Variants in GSE1 observed in about 807,000 individuals in gnomAD.
GSE1 encodes the protein Gse1 coiled-coil protein, also known as genetic suppressor element 1.
In GSE1, 32 loss-of-function variants were observed where a neutral mutation model predicts 112.6. The observed-to-expected ratio is 0.28, with a 90% CI of 0.21 to 0.38. The LOEUF (loss-of-function observed/expected upper bound fraction) is 0.38, where lower values mean the gene tolerates loss of function less well. Among genes scored for constraint, GSE1 ranks in the 10% least tolerant of loss-of-function variants. GSE1 has a pLI of 1.00. For missense variants in GSE1, 2,348 were observed against 1,699.2 expected (o/e 1.38, Z -6.71); for synonymous variants, 1,115 against 735.6 (o/e 1.52, Z -8.35).
chr16:85,445,568 T>C, intron 2 of GSE1, among the ~76,000 whole-genome samples: 1 of 152,226 alleles, frequency 6.6e-6, no homozygotes, highest in East Asian at 1.9e-4. Context: ...TGCACTGTGA[T>C]AAAAAGCCCT....
At chr16:85,326,233 A>T (rs944707896) in intron 1 of GSE1, among the ~76,000 whole-genome samples, 1 of 151,970 alleles carries the variant, frequency 6.6e-6, no homozygotes, top group Non-Finnish European at 1.5e-5. Flanking sequence ...CCTAAGGGTT[A>T]ATGAGGAGGA....
chr16:85,314,585 C>G (rs1220538650), intron 1 of GSE1, among the ~76,000 whole-genome samples: 1 of 152,202 alleles, frequency 6.6e-6, no homozygotes, highest in African/African-American at 2.4e-5. Flanking sequence ...CATGTGCACA[C>G]ACACGAACAC....
intron 2 of GSE1, among the ~76,000 whole-genome samples, chr16:85,365,960 C>G (rs750195220): frequency 4.6e-5 from 7 of 152,262 alleles, no homozygotes; most frequent in Non-Finnish European, 1.0e-4. Flanking sequence ...TCAGAGTCCA[C>G]ATCAGATGCT....
At chr16:85,625,398 C>G (rs1003900191) in intron 1 of GSE1, among the ~76,000 whole-genome samples, 1 of 152,214 alleles carries the variant, frequency 6.6e-6, no homozygotes, top group Non-Finnish European at 1.5e-5. Context: ...CCGCGGGTCC[C>G]CAGAATGCAA....
intron 1 of GSE1, among the ~76,000 whole-genome samples, chr16:85,194,139 C>G (rs1348510213): frequency 6.6e-6 from 1 of 152,190 alleles, no homozygotes; most frequent in Non-Finnish European, 1.5e-5. Context: ...CTCCACGCCC[C>G]TGAATCCGTT....
At position 85,507,464 on chromosome 16, in the gene GSE1, A is replaced by G. The variant is rs1215061450; in HGVS notation, c.2465-126450A>G. ...ACCGCAGGGTTACTCGCCCTTGCCCAGTGGGTGCTGCATTCTTCTGTTGGG... is the reference window on the plus strand; with the variant it reads ...ACCGCAGGGTTACTCGCCCTTGCCCGGTGGGTGCTGCATTCTTCTGTTGGG... On this transcript the variant is annotated intron_variant, in intron 2 of 2. Transcript: ENST00000637419. Among the ~76,000 whole-genome samples the G allele has an allele frequency of 3.3e-5, 5 of 152,218 alleles. No homozygotes were observed. In the East Asian group the frequency reaches 7.7e-4, roughly 23 times the overall value.
intron 2 of GSE1, among the ~76,000 whole-genome samples, chr16:85,537,788 A>G (rs1004452240): frequency 5.5e-5 from 6 of 108,876 alleles, no homozygotes; most frequent in South Asian, 2.9e-4. Context: ...TTCAGAAATC[A>G]AATGGTACCC....
intron 1 of GSE1, among the ~76,000 whole-genome samples, chr16:85,214,475 C>G (rs2075277352): frequency 1.3e-5 from 2 of 152,110 alleles, no homozygotes; most frequent in Non-Finnish European, 2.9e-5. Context: ...GTGGCTGAGC[C>G]CCCAGAAGCT....
At chr16:85,362,583 G>T (rs1255225298) in intron 2 of GSE1, among the ~76,000 whole-genome samples, 1 of 152,198 alleles carries the variant, frequency 6.6e-6, no homozygotes, top group East Asian at 1.9e-4. Flanking sequence ...AATCCTTCTG[G>T]TAGCGTGGTG....
At chr16:85,590,399 CATT>C (rs1459836024) in intron 1 of GSE1, among the ~76,000 whole-genome samples, 4 of 145,824 alleles carry the variant, frequency 2.7e-5, no homozygotes, top group South Asian at 2.2e-4. Flanking sequence ...ACATGTGTGA[CATT>C]GTGTGTGTGA....
chr16:85,420,278 C>T (rs918083219), intron 2 of GSE1, among the ~76,000 whole-genome samples: 1 of 152,102 alleles, frequency 6.6e-6, no homozygotes. Context: ...CAGGTTGTCG[C>T]CCTAGTACCT....
chr16:85,249,918 C>G (rs941835490), intron 1 of GSE1, among the ~76,000 whole-genome samples: 1 of 152,202 alleles, frequency 6.6e-6, no homozygotes, highest in Admixed American at 6.5e-5. Context: ...GCGGCAGGGC[C>G]GAGAGCGATG....
chr16:85,566,996 C>G (rs1555534043), intron 1 of GSE1, among the ~76,000 whole-genome samples: 1 of 152,120 alleles, frequency 6.6e-6, no homozygotes, highest in Non-Finnish European at 1.5e-5. Context: ...CGGCCTTTAT[C>G]TTAGATCTTA....
At chr16:85,508,833 CTG>C (rs2051632765) in intron 2 of GSE1, among the ~76,000 whole-genome samples, 1 of 152,234 alleles carries the variant, frequency 6.6e-6, no homozygotes, top group South Asian at 2.1e-4. Context: ...AGGTTCGTAA[CTG>C]TGTGCCCAGC....
At chr16:85,635,270 C>A (rs189249058) in intron 2 of GSE1, among the ~76,000 whole-genome samples, 1 of 152,126 alleles carries the variant, frequency 6.6e-6, no homozygotes, top group Non-Finnish European at 1.5e-5. Context: ...GAGGGAGGCC[C>A]GTTGGGGTCT....
intron 1 of GSE1, among the ~76,000 whole-genome samples, chr16:85,187,297 C>G (rs1219673376): frequency 2.0e-5 from 3 of 152,218 alleles, no homozygotes; most frequent in East Asian, 3.9e-4. Flanking sequence ...CTGGCAGCCC[C>G]GCAGCTCGGG....
At chr16:85,668,846 G>A (rs368343001) in intron 14 of GSE1, among the ~76,000 whole-genome samples, 1 of 152,228 alleles carries the variant, frequency 6.6e-6, no homozygotes, top group Non-Finnish European at 1.5e-5. Flanking sequence ...TGCAAGGATT[G>A]CTCTGTGGCC....
At chr16:85,271,529 G>A (rs541646319) in intron 1 of GSE1, among the ~76,000 whole-genome samples, 3 of 152,336 alleles carry the variant, frequency 2.0e-5, no homozygotes, top group Non-Finnish European at 2.9e-5. Flanking sequence ...CCCAAAGCCC[G>A]AATCATCTGC....
At chr16:85,209,106 GGTTCGCTGTGT>G (rs1322110918) in intron 1 of GSE1, among the ~76,000 whole-genome samples, 1 of 152,044 alleles carries the variant, frequency 6.6e-6, no homozygotes, top group Non-Finnish European at 1.5e-5. Flanking sequence ...CGCGTGATGG[GGTTCGCTGTGT>G]GTTGGGGTTT....
Sources: gnomAD v4.1 joint callset for allele counts (sites outside exome capture counted in the v4.1 genomes callset) on GRCh38, gnomAD v4.1.1 for gene constraint, MANE v1.5 for transcripts, NCBI Gene and HGNC (gene_info 2026-07-23, HGNC 2026-07-21) for gene names.